The following KLHL1 variants were observed in gnomAD, a reference collection of about 807,000 sequenced individuals.
KLHL1 encodes the protein kelch like family member 1.
KLHL1 carries 47 observed loss-of-function variants against 77.7 expected under a neutral mutation model. That is an observed-to-expected ratio of 0.60 (90% CI 0.48 to 0.77). The LOEUF is 0.77. KLHL1 is among the 30% of genes least tolerant of loss of function. The pLI, the probability that KLHL1 is intolerant of heterozygous loss-of-function variation, is 0.00. For missense variants in KLHL1, 925 were observed against 910.8 expected (o/e 1.02, Z -0.20); for synonymous variants, 360 against 325.2 (o/e 1.11, Z -1.15).
At chr13:70,001,665 CTAT>C (rs1885294483) in intron 1 of KLHL1, among the ~76,000 whole-genome samples, 1 of 146,228 alleles carries the variant, frequency 6.8e-6, no homozygotes, top group Non-Finnish European at 1.5e-5. Context: ...TATTATCTAT[CTAT>C]CTATCTATCT....
intron 4 of KLHL1, among the ~76,000 whole-genome samples, chr13:69,902,063 G>A (rs897003888): frequency 3.3e-5 from 5 of 152,102 alleles, no homozygotes; most frequent in Non-Finnish European, 5.9e-5. Flanking sequence ...GCCTCCCAGA[G>A]TGCTGGGATT....
chr13:70,067,406 T>C (rs947085393), intron 1 of KLHL1, among the ~76,000 whole-genome samples: 2 of 152,142 alleles, frequency 1.3e-5, no homozygotes, highest in Non-Finnish European at 2.9e-5. Context: ...ATTAATGATA[T>C]GTGAAGGGGA....
intron 6 of KLHL1, among the ~76,000 whole-genome samples, chr13:69,827,721 C>A (rs945315068): frequency 1.4e-5 from 2 of 138,808 alleles, no homozygotes; most frequent in Admixed American, 7.1e-5. Context: ...CAGAGCGAGA[C>A]CCTGTCTCAA....
intron 1 of KLHL1, among the ~76,000 whole-genome samples, chr13:70,028,469 G>A (rs1452580801): frequency 6.6e-6 from 1 of 152,012 alleles, no homozygotes; most frequent in Non-Finnish European, 1.5e-5. Flanking sequence ...GTGGTAGCCT[G>A]GATTAAAAGA....
At chr13:70,020,010 T>C (rs1466811598) in intron 1 of KLHL1, among the ~76,000 whole-genome samples, 1 of 152,146 alleles carries the variant, frequency 6.6e-6, no homozygotes, top group East Asian at 1.9e-4. Flanking sequence ...TTCTGCCTTC[T>C]GTCACGTGAG....
intron 1 of KLHL1, among the ~76,000 whole-genome samples, chr13:70,057,034 AAACT>A (rs1292079234): frequency 6.6e-6 from 1 of 152,150 alleles, no homozygotes; most frequent in African/African-American, 2.4e-5. Context: ...GTGAAAAGAC[AAACT>A]AAATCAACAA....
At chr13:69,961,004 C>T (rs1243736864) in intron 3 of KLHL1, among the ~76,000 whole-genome samples, 3 of 151,938 alleles carry the variant, frequency 2.0e-5, no homozygotes, top group Non-Finnish European at 4.4e-5. Context: ...CCTAAGCAAA[C>T]ATGGACATAA....
intron 7 of KLHL1, among the ~76,000 whole-genome samples, chr13:69,788,996 T>TAA (rs1367328491): frequency 6.7e-6 from 1 of 150,048 alleles, no homozygotes; most frequent in Non-Finnish European, 1.5e-5. Flanking sequence ...GAGAAAAAGA[T>TAA]AAACACTGGA....
At chr13:69,825,368 T>C (rs750815770) in intron 6 of KLHL1, among the ~76,000 whole-genome samples, 13 of 152,062 alleles carry the variant, frequency 8.5e-5, no homozygotes, top group Non-Finnish European at 1.6e-4. Flanking sequence ...TGGTAAAATA[T>C]GATAAAGTTT....
chr13:69,926,883 C>T (rs1844773484), intron 4 of KLHL1, among the ~76,000 whole-genome samples: 1 of 123,744 alleles, frequency 8.1e-6, no homozygotes, highest in African/African-American at 3.0e-5. Context: ...GGAGGCAGAG[C>T]TTGCAGTGAG....
chr13:70,014,200 A>G (rs1330826928), intron 1 of KLHL1, among the ~76,000 whole-genome samples: 1 of 152,132 alleles, frequency 6.6e-6, no homozygotes, highest in East Asian at 1.9e-4. Context: ...TGAAGAACTA[A>G]GACAAGAAAA....
intron 1 of KLHL1, among the ~76,000 whole-genome samples, chr13:70,028,552 GA>G (rs1414647188): frequency 4.6e-5 from 7 of 152,102 alleles, no homozygotes; most frequent in African/African-American, 1.7e-4. Context: ...TGGTCATAAG[GA>G]ATGAATATTT....
At chr13:69,983,641 C>A (rs1219180282) in intron 1 of KLHL1, among the ~76,000 whole-genome samples, 2 of 149,550 alleles carry the variant, frequency 1.3e-5, no homozygotes, top group Non-Finnish European at 3.0e-5. Context: ...ATGGTAAACT[C>A]CTGGAATCCT....
chr13:69,876,254 C>T (rs1320118506), intron 5 of KLHL1, among the ~76,000 whole-genome samples: 2 of 152,164 alleles, frequency 1.3e-5, no homozygotes, highest in African/African-American at 4.8e-5. Context: ...TTGATTTACT[C>T]TTTCTAACTG....
At chr13:69,774,687 CA>C (rs1875742834) in intron 7 of KLHL1, among the ~76,000 whole-genome samples, 1 of 151,742 alleles carries the variant, frequency 6.6e-6, no homozygotes. Flanking sequence ...CACACACAAG[CA>C]AGTAGAAATA....
intron 1 of KLHL1, among the ~76,000 whole-genome samples, chr13:69,989,451 T>G (rs562727436): frequency 6.6e-6 from 1 of 152,190 alleles, no homozygotes; most frequent in Non-Finnish European, 1.5e-5. Context: ...TTCAGGCTCC[T>G]TGGTTCCATA....
At chr13:70,074,144 C>T (rs1273108319) in intron 1 of KLHL1, among the ~76,000 whole-genome samples, 5 of 151,960 alleles carry the variant, frequency 3.3e-5, no homozygotes, top group Admixed American at 1.3e-4. Context: ...CCTCCGCACC[C>T]GGCCCATAAA....
intron 6 of KLHL1, among the ~76,000 whole-genome samples, chr13:69,837,065 GAC>G (rs1191928297): frequency 4.6e-5 from 7 of 151,706 alleles, no homozygotes; most frequent in African/African-American, 1.5e-4. Context: ...GGTTTTTTAA[GAC>G]AAAATTTTTT....
chr13:69,803,561 G>A (rs888443749), intron 6 of KLHL1, among the ~76,000 whole-genome samples: 31 of 152,166 alleles, frequency 2.0e-4, no homozygotes, highest in African/African-American at 5.1e-4. Flanking sequence ...GAACGGCTAC[G>A]CTATATAGCA....
Sources: allele counts gnomAD v4.1 joint callset (sites outside exome capture counted in the v4.1 genomes callset), GRCh38; gene constraint gnomAD v4.1.1; transcripts MANE v1.5; gene names NCBI Gene and HGNC (gene_info 2026-07-23, HGNC 2026-07-21).